The following ANKS1A variants were observed in gnomAD, a reference collection of about 807,000 sequenced individuals.
The protein encoded by ANKS1A is ankyrin repeat and SAM domain-containing protein 1A.
A neutral mutation model predicts 120.3 loss-of-function variants in ANKS1A; 55 were observed. The observed-to-expected ratio is 0.46, with a 90% CI of 0.37 to 0.57. The LOEUF is 0.57. ANKS1A is among the 20% of genes least tolerant of loss of function. ANKS1A has a pLI of 0.00. For missense variants in ANKS1A, 1,123 were observed against 1,480.3 expected (o/e 0.76, Z 3.96); for synonymous variants, 590 against 604.7 (o/e 0.98, Z 0.36).
intron 3 of ANKS1A, among the ~76,000 whole-genome samples, chr6:34,979,085 C>T (rs551461649): frequency 1.3e-5 from 2 of 151,872 alleles, no homozygotes; most frequent in African/African-American, 2.4e-5. Context: ...TTAGTGGAGA[C>T]GGGGTTTCAC....
At chr6:35,010,929 T>TA (rs996030344) in intron 10 of ANKS1A, among the ~76,000 whole-genome samples, 116 of 152,308 alleles carry the variant, frequency 7.6e-4, no homozygotes, top group African/African-American at 2.6e-3. Context: ...AAATCGATCT[T>TA]ACATAGTTTT....
At chr6:35,042,196 CTTG>C (rs148840221) in intron 11 of ANKS1A, among the ~76,000 whole-genome samples, 268 of 152,150 alleles carry the variant, frequency 1.8e-3, no homozygotes, top group African/African-American at 6.0e-3. Context: ...AACACAGTTC[CTTG>C]TTGTTGAGGT....
chr6:35,087,208 CAGCGTAGACGCTGT>C (rs893362854), intron 23 of ANKS1A, among the ~76,000 whole-genome samples, 159 bp downstream of exon 23: 57 of 55,258 alleles, frequency 1.0e-3, no homozygotes, highest in South Asian at 2.0e-3. Context: ...GGGCGGGCGG[CAGCGTAGACGCTGT>C]ACACTTGCAG....
intron 8 of ANKS1A, 38 bp downstream of exon 8, chr6:34,985,316 T>G (rs764337137): frequency 1.3e-5 from 20 of 1,595,648 alleles, no homozygotes; most frequent in Non-Finnish European, 1.6e-5. Context: ...GGGGGCTGTG[T>G]TGGCTGGCTG....
chr6:34,930,230 C>T (rs1420410522), intron 1 of ANKS1A, among the ~76,000 whole-genome samples: 1 of 152,132 alleles, frequency 6.6e-6, no homozygotes, highest in Admixed American at 6.5e-5. Context: ...TTAATATTGA[C>T]CTTTACACTT....
At position 35,048,022 on chromosome 6, in the gene ANKS1A, A is replaced by G. The variant is rs529637161; in HGVS notation, c.2011-6077A>G. Among the ~76,000 whole-genome samples, 28 of 152,310 alleles carry G rather than the reference A, an allele frequency of 1.8e-4. No individual in the cohort carries two copies. In the South Asian group the frequency reaches 5.8e-3, roughly 32 times the overall value. On this transcript the variant is annotated intron_variant, in intron 11 of 23. Coordinates refer to ENST00000360359, the MANE Select transcript of ANKS1A (RefSeq NM_015245.3). ...AGCAAGACCAAATATCAGCAACCCAAGAGGTATAGGAAAGACAAAAATGAG... is the reference window on the plus strand; with the variant it reads ...AGCAAGACCAAATATCAGCAACCCAGGAGGTATAGGAAAGACAAAAATGAG...
chr6:34,982,579 G>A lies in ANKS1A; in HGVS notation c.733-173G>A, dbSNP rs1771958120. 6.6e-6 allele frequency among the ~76,000 whole-genome samples: 1 copy of A among 152,172 alleles called. No individual in the cohort carries two copies. Among genetic ancestry groups the A allele is most frequent in the African/African-American group, 2.4e-5 (1 of 41,446 alleles). On this transcript the variant is annotated intron_variant, in intron 4 of 23. Transcript: ENST00000360359. The surrounding 1 kb of genome is among the most constrained non-coding windows in gnomAD (Gnocchi z 4.9). ...GGCACAGAATGGCCTTGGTGTATGG[G>A]CCATGATCGTGGTTTTGGAATCCAC...
Position 35,057,331 on chromosome 6 carries a change from T to C in ANKS1A, c.2078-2816T>C, listed in dbSNP as rs921608714. ...ACTGGCCCAGGCCACTCTGGCTCTG[T>C]CAACAAAGGCCTTCTCCGTCAAGCA... On this transcript the variant is annotated intron_variant, in intron 12 of 23. Coordinates refer to ENST00000360359, the MANE Select transcript of ANKS1A (RefSeq NM_015245.3). The surrounding 1 kb of genome is among the most constrained non-coding windows in gnomAD (Gnocchi z 4.1). 6.6e-6 allele frequency among the ~76,000 whole-genome samples: 1 copy of C among 152,106 alleles called. No homozygotes were observed. Among genetic ancestry groups the C allele is most frequent in the Admixed American group, 6.5e-5 (1 of 15,278 alleles).
intron 1 of ANKS1A, among the ~76,000 whole-genome samples, chr6:34,931,170 A>G (rs1268048567): frequency 7.0e-6 from 1 of 142,992 alleles, no homozygotes; most frequent in Admixed American, 7.1e-5. Context: ...TTTTTGAGAA[A>G]GTGTTTCACT....
intron 3 of ANKS1A, among the ~76,000 whole-genome samples, chr6:34,976,746 T>C (rs1771610139): frequency 6.7e-6 from 1 of 148,968 alleles, no homozygotes; most frequent in Non-Finnish European, 1.5e-5. Context: ...AACATTTTGC[T>C]ACCTTTGCTT....
chr6:34,900,041 A>G (rs1767271333), intron 1 of ANKS1A, among the ~76,000 whole-genome samples: 1 of 152,200 alleles, frequency 6.6e-6, no homozygotes. Flanking sequence ...TGAGCACTTA[A>G]TACTTTGCTC....
chr6:35,081,446 T>G (rs747648343), intron 17 of ANKS1A, among the ~76,000 whole-genome samples: 4 of 152,080 alleles, frequency 2.6e-5, no homozygotes, highest in Non-Finnish European at 5.9e-5. Context: ...CCCTGTCCGC[T>G]CTTTCTCTGT....
chr6:35,079,459 G>A lies in ANKS1A; in HGVS notation c.2284-57G>A, dbSNP rs74583553. ...TGAGCTGGCTGGGTCCATGGTCCTC[G>A]GGTCCCTCTCCTGTGAGTGCTGAGA... On this transcript the variant is annotated intron_variant, in intron 14 of 23. Coordinates refer to ENST00000360359, the MANE Select transcript of ANKS1A (RefSeq NM_015245.3). 3.9e-4 allele frequency: 620 copies of A among 1,600,650 alleles called. 6 individuals are homozygous for A. The East Asian group carries it at 0.012, about 31-fold the overall frequency.
At chr6:34,975,485 G>C (rs955071216) in intron 3 of ANKS1A, among the ~76,000 whole-genome samples, 2 of 151,514 alleles carry the variant, frequency 1.3e-5, no homozygotes, top group African/African-American at 4.8e-5. Context: ...AAGCTAGCCA[G>C]TGTAGTGGCT....
At chr6:35,097,179 T>C in the ANKS1A span, among the ~76,000 whole-genome samples, 25 of 152,160 alleles carry the variant, frequency 1.6e-4, no homozygotes, top group Non-Finnish European at 3.1e-4. Flanking sequence ...GAACAGTTAA[T>C]TGAAGGATTA....
In ANKS1A at chr6:35,000,881, T is replaced by TA. The variant is rs910766742; in HGVS notation, c.1423+6470dup. 8.3e-4 allele frequency among the ~76,000 whole-genome samples: 123 copies of TA among 148,732 alleles called. 2 individuals carry two copies. Among genetic ancestry groups the TA allele is most frequent in the Admixed American group, 1.9e-3 (29 of 14,970 alleles). On this transcript the variant is annotated intron_variant, in intron 10 of 23. Transcript: ENST00000360359. The stretch of plus-strand genomic sequence containing the variant: ...TAAGCAAGTTTTAAAATGTTAATTG[T>TA]AAAAAAAAAAATTCTGTGTGTAAAC...
chr6:35,021,011 T>TG (rs1774305512), intron 11 of ANKS1A, among the ~76,000 whole-genome samples: 2 of 152,254 alleles, frequency 1.3e-5, no homozygotes, highest in Admixed American at 1.3e-4. Flanking sequence ...GGGCCCTTTA[T>TG]GTGTAACCCT....
At chr6:35,067,367 T>C (rs754440226) in intron 13 of ANKS1A, among the ~76,000 whole-genome samples, 5 of 152,200 alleles carry the variant, frequency 3.3e-5, no homozygotes, top group Admixed American at 6.5e-5. Context: ...TGGTCCTGGC[T>C]GAGACCAGAA....
intron 1 of ANKS1A, among the ~76,000 whole-genome samples, chr6:34,923,748 A>G (rs1408471369): frequency 1.3e-5 from 2 of 152,122 alleles, no homozygotes; most frequent in Non-Finnish European, 2.9e-5. Flanking sequence ...TTCCTGTGAG[A>G]CCAGAGGAAA....
Sources: allele counts gnomAD v4.1 joint callset (sites outside exome capture counted in the v4.1 genomes callset), GRCh38; gene constraint gnomAD v4.1.1; non-coding constraint Gnocchi (gnomAD v3.1); transcripts MANE v1.5; gene names NCBI Gene and HGNC (gene_info 2026-07-23, HGNC 2026-07-21).